The following DPP6 variants were observed in gnomAD, a reference collection of about 807,000 sequenced individuals.
DPP6 encodes A-type potassium channel modulatory protein DPP6.
DPP6 carries 69 observed loss-of-function variants against 122.6 expected under a neutral mutation model. The observed-to-expected ratio is 0.56, with a 90% CI of 0.46 to 0.69. The LOEUF (loss-of-function observed/expected upper bound fraction) is 0.69, where lower values mean the gene tolerates loss of function less well. Ranked by LOEUF, DPP6 falls within the 30% of genes least tolerant of loss-of-function variation. The pLI, the probability that DPP6 is intolerant of heterozygous loss-of-function variation, is 0.00. For missense variants in DPP6, 928 were observed against 1,116.9 expected, an observed-to-expected ratio of 0.83 and a Z score of 2.41; for synonymous variants, 418 against 433.1, an observed-to-expected ratio of 0.97 and a Z score of 0.43.
chr7:153,788,758 G>A, the DPP6 span, among the ~76,000 whole-genome samples: 1,614 of 152,256 alleles, frequency 0.011, 25 homozygotes, highest in African/African-American at 0.035. Context: ...GAGGTCAGGA[G>A]TTCGAGACCA....
At chr7:153,761,785 C>T in the DPP6 span, among the ~76,000 whole-genome samples, 1 of 152,218 alleles carries the variant, frequency 6.6e-6, no homozygotes, top group Non-Finnish European at 1.5e-5. Flanking sequence ...AATACTATTT[C>T]TATACTTCAT....
At chr7:154,827,236 C>T (rs1160228480) in intron 16 of DPP6, among the ~76,000 whole-genome samples, 1 of 151,234 alleles carries the variant, frequency 6.6e-6, no homozygotes, top group Non-Finnish European at 1.5e-5. Flanking sequence ...TTGAAGACAC[C>T]CACTGGATTT....
intron 5 of DPP6, among the ~76,000 whole-genome samples, chr7:154,580,805 C>T (rs530782420): frequency 9.9e-5 from 15 of 152,044 alleles, no homozygotes; most frequent in Non-Finnish European, 2.1e-4. Context: ...GAACAGAGGC[C>T]GCCATGGGAA....
intron 22 of DPP6, among the ~76,000 whole-genome samples, chr7:154,886,903 G>A (rs1317210553): frequency 6.6e-6 from 1 of 152,252 alleles, no homozygotes; most frequent in Non-Finnish European, 1.5e-5. Flanking sequence ...AACTCGTACA[G>A]GAACTCTCCT....
intron 1 of DPP6, among the ~76,000 whole-genome samples, chr7:154,181,179 A>C (rs1258545068): frequency 6.6e-6 from 1 of 152,208 alleles, no homozygotes; most frequent in Non-Finnish European, 1.5e-5. Context: ...GCCCAAACAC[A>C]AGAGCATGCC....
chr7:154,316,833 G>C lies in DPP6; in HGVS notation c.244-129381G>C, dbSNP rs1174281081. 3.9e-5 allele frequency among the ~76,000 whole-genome samples: 6 copies of C among 152,132 alleles called. No homozygotes were observed. The South Asian group carries it at 1.2e-3, about 32-fold the overall frequency. On this transcript the variant is annotated intron_variant, in intron 1 of 25. Transcript: ENST00000377770. The stretch of plus-strand genomic sequence containing the variant: ...ACAGTTTGGGAGAATGGGGGCAATG[G>C]GGGGATTGTGGTACGGGAGAAGGAG...
intron 5 of DPP6, among the ~76,000 whole-genome samples, chr7:154,608,340 T>TATATATATATATATATATATATATATAG (rs1833697690): frequency 7.4e-6 from 1 of 134,702 alleles, no homozygotes; most frequent in Non-Finnish European, 1.6e-5. Flanking sequence ...TATATATATA[T>TATATATATATATATATATATATATATAG]ATTTTGAGAT....
the DPP6 span, among the ~76,000 whole-genome samples, chr7:153,798,865 TA>T: frequency 6.6e-6 from 1 of 152,190 alleles, no homozygotes; most frequent in Non-Finnish European, 1.5e-5. Context: ...AAGGATCAGG[TA>T]TTAGATTCTC....
rs748179196 is a variant in DPP6 at position 154,408,513 on chromosome 7, C to T, written c.244-37701C>T. 8.5e-5 allele frequency among the ~76,000 whole-genome samples: 13 copies of T among 152,074 alleles called. No homozygotes were observed. In the South Asian group the frequency reaches 1.0e-3, roughly 12 times the overall value. Reference sequence around the variant, plus strand: ...AGAAAAGTTTCAATGATAGTACAGACGGTTCTTATTTACCCCTTACACAAT... The same window carrying T: ...AGAAAAGTTTCAATGATAGTACAGATGGTTCTTATTTACCCCTTACACAAT... On this transcript the variant is annotated intron_variant, in intron 1 of 25. Transcript: ENST00000377770.
At chr7:154,697,366 G>T (rs1397584283) in intron 7 of DPP6, among the ~76,000 whole-genome samples, 2 of 152,180 alleles carry the variant, frequency 1.3e-5, no homozygotes, top group Non-Finnish European at 2.9e-5. Context: ...CTCCTCTCAG[G>T]CCAGGGCTTC....
intron 8 of DPP6, among the ~76,000 whole-genome samples, chr7:154,758,509 T>C (rs958177494): frequency 2.6e-5 from 4 of 151,886 alleles, no homozygotes; most frequent in Admixed American, 6.6e-5. Flanking sequence ...GTAGCTGGGA[T>C]TACAGGCATG....
chr7:154,188,374 A>G (rs1798453158), intron 1 of DPP6, among the ~76,000 whole-genome samples: 2 of 152,224 alleles, frequency 1.3e-5, no homozygotes, highest in African/African-American at 4.8e-5. Context: ...GTATACAAAG[A>G]TTAATAAGAC....
At chr7:154,308,304 C>T (rs1197086963) in intron 1 of DPP6, among the ~76,000 whole-genome samples, 3 of 110,064 alleles carry the variant, frequency 2.7e-5, no homozygotes, top group Non-Finnish European at 5.5e-5. Flanking sequence ...TTTTTTTCTA[C>T]CGTGTTTGCT....
At chr7:154,801,281 A>AT in intron 12 of DPP6, 74 bp from the exon 13 acceptor site, 1 of 1,539,530 alleles carries the variant, frequency 6.5e-7, no homozygotes, top group Non-Finnish European at 8.8e-7. Flanking sequence ...CTCGGGGTGT[A>AT]TTTTATCCTG....
Position 154,481,671 on chromosome 7 carries a change from G to A in DPP6, c.457+6634G>A, listed in dbSNP as rs1823316743. ...AGTCCATCTTCTTTTCCCCCAGAGT[G>A]GCTCTTACATAGGATGTTCCTTCTG... On this transcript the variant is annotated intron_variant, in intron 3 of 25. Transcript: ENST00000377770. This position sits in a 1 kb window ranked among gnomAD's most constrained non-coding sequence, Gnocchi z 4.2. Among the ~76,000 whole-genome samples the A allele has an allele frequency of 6.6e-6, 1 of 152,048 alleles. No homozygotes were observed.
At chr7:154,127,634 G>GAC (rs1045351086) in intron 1 of DPP6, among the ~76,000 whole-genome samples, 623 of 59,758 alleles carry the variant, frequency 0.01, 4 homozygotes, top group African/African-American at 0.014. Flanking sequence ...CACACACACA[G>GAC]ACACACACAC....
chr7:153,867,005 C>A, the DPP6 span, among the ~76,000 whole-genome samples: 29 of 152,214 alleles, frequency 1.9e-4, no homozygotes, highest in African/African-American at 6.0e-4. Context: ...TTCCATTGGT[C>A]GATATCTCTG....
intron 1 of DPP6, among the ~76,000 whole-genome samples, chr7:153,933,201 C>T (rs980643751): frequency 1.3e-5 from 2 of 152,052 alleles, no homozygotes; most frequent in East Asian, 3.9e-4. Context: ...TCTAAGTTTC[C>T]TCAACGGTAA....
At chr7:153,936,570 G>A (rs1165119459) in intron 1 of DPP6, among the ~76,000 whole-genome samples, 1 of 152,092 alleles carries the variant, frequency 6.6e-6, no homozygotes, top group Non-Finnish European at 1.5e-5. Flanking sequence ...ACTTTGGGAG[G>A]CCGAGACAGC....
Sources: gnomAD v4.1 joint callset for allele counts (sites outside exome capture counted in the v4.1 genomes callset) on GRCh38, gnomAD v4.1.1 for gene constraint, Gnocchi (gnomAD v3.1) non-coding constraint, MANE v1.5 for transcripts, NCBI Gene and HGNC (gene_info 2026-07-23, HGNC 2026-07-21) for gene names.